Variants in TOX observed in about 807,000 individuals in gnomAD.
TOX encodes thymocyte selection-associated high mobility group box protein TOX.
TOX carries 11 observed loss-of-function variants against 53.7 expected under a neutral mutation model. The observed-to-expected ratio is 0.20, with a 90% CI of 0.13 to 0.34. The LOEUF is 0.34. Among genes scored for constraint, TOX ranks in the 10% least tolerant of loss-of-function variants. The pLI is 1.00. For missense variants in TOX, 570 were observed against 664.6 expected (o/e 0.86, Z 1.56); for synonymous variants, 225 against 245.3 (o/e 0.92, Z 0.77).
intron 3 of TOX, among the ~76,000 whole-genome samples, chr8:58,864,904 C>A (rs1458708858): frequency 1.3e-5 from 2 of 152,094 alleles, no homozygotes; most frequent in Non-Finnish European, 2.9e-5. Flanking sequence ...AGACATCGTT[C>A]GCTTAAAAAA....
intron 1 of TOX, among the ~76,000 whole-genome samples, chr8:59,004,964 T>C (rs553623603): frequency 1.4e-3 from 220 of 152,372 alleles, no homozygotes; most frequent in African/African-American, 4.9e-3. Context: ...ACATTTTTAT[T>C]TCATTTTTGC....
At chr8:59,080,088 T>C (rs1308162712) in intron 1 of TOX, among the ~76,000 whole-genome samples, 1 of 151,936 alleles carries the variant, frequency 6.6e-6, no homozygotes, top group Non-Finnish European at 1.5e-5. Flanking sequence ...GTTCAAGTGA[T>C]TTTCCTGCCT....
intron 1 of TOX, among the ~76,000 whole-genome samples, chr8:59,068,611 T>G: frequency 6.6e-6 from 1 of 152,234 alleles, no homozygotes; most frequent in East Asian, 1.9e-4. Context: ...TTTTACAGGT[T>G]TTGTTAATTT....
intron 1 of TOX, among the ~76,000 whole-genome samples, chr8:59,093,563 T>C (rs1804662147): frequency 2.0e-5 from 3 of 152,366 alleles, no homozygotes; most frequent in Admixed American, 1.3e-4. Flanking sequence ...ATTAAATATT[T>C]ACAGCTATTG....
intron 1 of TOX, among the ~76,000 whole-genome samples, chr8:58,964,238 G>C (rs1812852243): frequency 6.6e-6 from 1 of 152,126 alleles, no homozygotes; most frequent in Non-Finnish European, 1.5e-5. Context: ...CAAGAGACCT[G>C]GCTATAAATA....
intron 3 of TOX, among the ~76,000 whole-genome samples, chr8:58,853,783 T>C (rs577393851): frequency 1.3e-5 from 2 of 152,342 alleles, no homozygotes; most frequent in Non-Finnish European, 2.9e-5. Context: ...TTCTTAGATG[T>C]ACATGTAACT....
intron 3 of TOX, among the ~76,000 whole-genome samples, chr8:58,920,737 GAAA>G (rs1397497086): frequency 2.1e-5 from 1 of 47,742 alleles, no homozygotes; most frequent in African/African-American, 6.8e-5. Context: ...AAAAAAAAAA[GAAA>G]AAAAAGAAGA....
intron 3 of TOX, among the ~76,000 whole-genome samples, chr8:58,896,248 A>G (rs934438399): frequency 6.6e-6 from 1 of 152,188 alleles, no homozygotes; most frequent in Non-Finnish European, 1.5e-5. Context: ...GGACGCAGAC[A>G]ATACGGCAAG....
intron 1 of TOX, among the ~76,000 whole-genome samples, chr8:59,077,577 T>G (rs988709766): frequency 1.3e-5 from 2 of 152,150 alleles, no homozygotes; most frequent in Non-Finnish European, 2.9e-5. Context: ...TGCAGCCCCC[T>G]TCTGTTGTGT....
At chr8:58,967,520 C>T (rs1258061136) in intron 1 of TOX, among the ~76,000 whole-genome samples, 1 of 152,054 alleles carries the variant, frequency 6.6e-6, no homozygotes, top group Non-Finnish European at 1.5e-5. Flanking sequence ...CCATTGCCAC[C>T]ACAGCTACAA....
intron 1 of TOX, among the ~76,000 whole-genome samples, chr8:58,967,376 T>C (rs1812923412): frequency 6.6e-6 from 1 of 152,014 alleles, no homozygotes; most frequent in African/African-American, 2.4e-5. Flanking sequence ...CACAAGGGAG[T>C]CCAGTAACTT....
intron 1 of TOX, among the ~76,000 whole-genome samples, chr8:59,003,184 T>G (rs182003759): frequency 6.6e-6 from 1 of 152,370 alleles, no homozygotes; most frequent in Non-Finnish European, 1.5e-5. Flanking sequence ...CTTGTTATAC[T>G]GTTAGTTACT....
intron 5 of TOX, among the ~76,000 whole-genome samples, chr8:58,836,015 T>C (rs1810539156): frequency 6.6e-6 from 1 of 152,190 alleles, no homozygotes; most frequent in Non-Finnish European, 1.5e-5. Context: ...GGGAAGGGAA[T>C]TGCTTTTGGG....
intron 1 of TOX, among the ~76,000 whole-genome samples, chr8:59,075,695 A>G (rs1008068102): frequency 1.3e-5 from 2 of 152,198 alleles, no homozygotes; most frequent in Non-Finnish European, 2.9e-5. Flanking sequence ...CTGGTTTTGT[A>G]GTCAGCAGCA....
intron 1 of TOX, among the ~76,000 whole-genome samples, chr8:59,002,476 C>T (rs1813709751): frequency 6.6e-6 from 1 of 151,172 alleles, no homozygotes; most frequent in African/African-American, 2.4e-5. Context: ...CCTGTAGTCC[C>T]TGCTCCTCGG....
At chr8:59,020,030 T>A (rs985551546) in intron 1 of TOX, among the ~76,000 whole-genome samples, 3 of 152,202 alleles carry the variant, frequency 2.0e-5, no homozygotes, top group African/African-American at 7.2e-5. Context: ...AATGAACAAA[T>A]AAATGAATGA....
intron 4 of TOX, among the ~76,000 whole-genome samples, chr8:58,849,021 A>G (rs773465378): frequency 6.6e-6 from 1 of 152,128 alleles, no homozygotes; most frequent in African/African-American, 2.4e-5. Flanking sequence ...TTGCACTACA[A>G]CATTCCACAT....
chr8:59,054,089 C>T (rs1803841677), intron 1 of TOX, among the ~76,000 whole-genome samples: 1 of 152,078 alleles, frequency 6.6e-6, no homozygotes, highest in African/African-American at 2.4e-5. Flanking sequence ...GTGTGCATGG[C>T]TAAATGTGTG....
intron 5 of TOX, among the ~76,000 whole-genome samples, chr8:58,829,716 A>G (rs1810421810): frequency 6.6e-6 from 1 of 152,148 alleles, no homozygotes; most frequent in South Asian, 2.1e-4. Context: ...TTGGACAAGG[A>G]TGTTGCTTGA....
Sources: allele counts gnomAD v4.1 joint callset (sites outside exome capture counted in the v4.1 genomes callset), GRCh38; gene constraint gnomAD v4.1.1; transcripts MANE v1.5; gene names NCBI Gene and HGNC (gene_info 2026-07-23, HGNC 2026-07-21).